Variants in CFAP97 observed in about 807,000 individuals in gnomAD.
The protein encoded by CFAP97 is cilia- and flagella-associated protein 97.
CFAP97 carries 36 observed loss-of-function variants against 43.1 expected under a neutral mutation model. The ratio of observed to expected loss-of-function variants is 0.84; its 90% CI spans 0.64 to 1.10. The LOEUF is 1.10. Ranked by LOEUF, CFAP97 falls within the 50% of genes least tolerant of loss-of-function variation. The pLI, the probability that CFAP97 is intolerant of heterozygous loss-of-function variation, is 0.00. For synonymous variants in CFAP97, 228 were observed against 225.7 expected (o/e 1.01, Z -0.09); for missense variants, 657 against 620.3 (o/e 1.06, Z -0.63).
At chr4:185,164,365 G>C (rs1734990591) in intron 3 of CFAP97, among the ~76,000 whole-genome samples, 186 bp from the exon 4 acceptor site, 1 of 152,002 alleles carries the variant, frequency 6.6e-6, no homozygotes, top group East Asian at 1.9e-4. Context: ...AGCCTCTCAA[G>C]TAGCTGGTAT....
chr4:185,187,920 C>T lies in CFAP97; in HGVS notation c.1054+2223G>A, dbSNP rs142699993. On this transcript the variant is annotated intron_variant, in intron 2 of 4. Transcript: ENST00000458385. Reference sequence around the variant, plus strand: ...TATTACTATTATCATTTTTTTGAGACGGAGTCTCGCTCTGTCGCCAGGCTG... The same window carrying T: ...TATTACTATTATCATTTTTTTGAGATGGAGTCTCGCTCTGTCGCCAGGCTG... Among the ~76,000 whole-genome samples, 796 of 152,124 alleles carry T rather than the reference C, an allele frequency of 5.2e-3. 5 individuals carry two copies. Among genetic ancestry groups the T allele is most frequent in the African/African-American group, 0.018 (732 of 41,504 alleles).
intron 3 of CFAP97, among the ~76,000 whole-genome samples, chr4:185,168,785 C>G (rs1242487044): frequency 6.6e-6 from 1 of 151,940 alleles, no homozygotes; most frequent in Non-Finnish European, 1.5e-5. Flanking sequence ...TAGTGGGCAA[C>G]TGTAATCCCA....
rs1211960527 is a variant in CFAP97, at chr4:185,160,468, G to A, written c.*2330C>T. The A allele has an allele frequency of 6.6e-6, 1 of 151,998 alleles. No individual in the cohort carries two copies. The highest frequency in any genetic ancestry group is 2.4e-5 in the African/African-American group (1 of 41,386). 9.4% of individuals were successfully genotyped at this position (151,998 alleles called of 1,614,324 possible). On this transcript the variant is annotated 3_prime_UTR_variant, in exon 5 of 5. Transcript: ENST00000458385. ...ACTTAAGTAATTCCTTCTTAAGAAT[G>A]TCCCTTAAACTATAACAACTTCATA... is the stretch of plus-strand genomic sequence containing the variant.
upstream of CFAP97, among the ~76,000 whole-genome samples, chr4:185,204,662 G>T (rs1737108141): frequency 6.6e-6 from 1 of 152,166 alleles, no homozygotes; most frequent in Non-Finnish European, 1.5e-5. Context: ...GATCAAAATG[G>T]GAAGATTAAC....
intron 1 of CFAP97, among the ~76,000 whole-genome samples, chr4:185,193,091 C>T (rs113420029): frequency 3.3e-5 from 5 of 152,146 alleles, no homozygotes; most frequent in African/African-American, 9.6e-5. Flanking sequence ...AGGACTCCTT[C>T]GCAGGCAGGG....
At chr4:185,178,211 G>A (rs1297705904) in intron 2 of CFAP97, among the ~76,000 whole-genome samples, 1 of 144,382 alleles carries the variant, frequency 6.9e-6, no homozygotes, top group Non-Finnish European at 1.5e-5. Flanking sequence ...GAAATTAATA[G>A]TAAGCTATTT....
intron 3 of CFAP97, among the ~76,000 whole-genome samples, chr4:185,165,378 T>A (rs1735028627): frequency 6.6e-6 from 1 of 151,418 alleles, no homozygotes; most frequent in South Asian, 2.1e-4. Context: ...TAATTTTTTT[T>A]ACAATTCAGT....
In CFAP97 at chr4:185,175,900, C is replaced by T. The variant is rs1579238651; in HGVS notation, c.1206G>A (p.Ala402=). The T allele has an allele frequency of 3.7e-6, 6 of 1,613,866 alleles. No individual in the cohort carries two copies. Among genetic ancestry groups the T allele is most frequent in the Non-Finnish European group, 4.2e-6 (5 of 1,179,864 alleles). ...QRLLKELSRQ[A]EKPGSKSTIP... Reference sequence around the variant, plus strand: ...TTGTACTTTTGCTTCCCGGCTTTTCCGCCTGTCTTGACAGTTCTTTCAAAA... The same window carrying T: ...TTGTACTTTTGCTTCCCGGCTTTTCTGCCTGTCTTGACAGTTCTTTCAAAA... The change falls in exon 3 of 5, where the codon GCG becomes GCA. Residue 402 remains alanine (A), a synonymous_variant. Coordinates refer to ENST00000458385, the MANE Select transcript of CFAP97 (RefSeq NM_020827.3).
chr4:185,181,531 G>T (rs1735790373), intron 2 of CFAP97, among the ~76,000 whole-genome samples: 1 of 151,792 alleles, frequency 6.6e-6, no homozygotes, highest in South Asian at 2.1e-4. Context: ...CTCCATGTTG[G>T]TCAGGCTGGT....
At chr4:185,208,994 C>A (rs966694830), upstream of CFAP97, among the ~76,000 whole-genome samples, 24 of 152,236 alleles carry the variant, frequency 1.6e-4, no homozygotes, top group African/African-American at 4.8e-4. Flanking sequence ...TGGTAAAAAA[C>A]AAAAAACAAA....
At chr4:185,184,377 C>T (rs1735923862) in intron 2 of CFAP97, among the ~76,000 whole-genome samples, 1 of 152,208 alleles carries the variant, frequency 6.6e-6, no homozygotes, top group South Asian at 2.1e-4. Context: ...TTTCCCCTAC[C>T]AACGACTGGT....
Position 185,192,733 on chromosome 4 carries a change from C to CTTTTTTTTTTT in CFAP97, c.-16-1532_-16-1522dup, listed in dbSNP as rs760026667. On this transcript the variant is annotated intron_variant, in intron 1 of 4. Transcript: ENST00000458385. ...CCTTCTTAAGATCAGAATTGACCTT[C>CTTTTTTTTTTT]TTTTTTTTTTTTTTTTTTTTTTTTT... 3.9e-4 allele frequency among the ~76,000 whole-genome samples: 32 copies of CTTTTTTTTTTT among 81,414 alleles called. 1 individual carries two copies. Among genetic ancestry groups the CTTTTTTTTTTT allele is most frequent in the African/African-American group, 1.7e-3 (32 of 18,348 alleles). The allele number at this position is 81,414 out of a possible 152,430, so 53.4% of individuals were successfully genotyped here.
At chr4:185,168,861 C>T (rs559526241) in intron 3 of CFAP97, among the ~76,000 whole-genome samples, 3 of 149,912 alleles carry the variant, frequency 2.0e-5, no homozygotes, top group East Asian at 2.0e-4. Context: ...TGGAGCAAGC[C>T]GAGATCGTGC....
At chr4:185,181,241 CAG>C (rs1735768558) in intron 2 of CFAP97, among the ~76,000 whole-genome samples, 1 of 142,532 alleles carries the variant, frequency 7.0e-6, no homozygotes, top group African/African-American at 2.6e-5. Flanking sequence ...GCATGGGCAA[CAG>C]AGCGAGACTC....
At chr4:185,179,686 C>A (rs550468497) in intron 2 of CFAP97, among the ~76,000 whole-genome samples, 1 of 152,154 alleles carries the variant, frequency 6.6e-6, no homozygotes, top group Non-Finnish European at 1.5e-5. Context: ...GTAGTCCCGG[C>A]CACTGAGTCA....
intron 2 of CFAP97, among the ~76,000 whole-genome samples, chr4:185,179,252 G>T (rs1279260782): frequency 6.6e-6 from 1 of 152,024 alleles, no homozygotes; most frequent in Admixed American, 6.6e-5. Context: ...CTTGCATATG[G>T]GAAGAATGTT....
chr4:185,178,471 C>T (rs1735649346), intron 2 of CFAP97, among the ~76,000 whole-genome samples: 1 of 151,968 alleles, frequency 6.6e-6, no homozygotes, highest in Admixed American at 6.6e-5. Flanking sequence ...TCTTGAACCC[C>T]TGACCTCAGG....
intron 3 of CFAP97, chr4:185,170,457 G>T (rs1032392505): frequency 2.6e-6 from 1 of 378,752 alleles, no homozygotes; most frequent in Admixed American, 4.6e-5. Context: ...TTGCCCAGGC[G>T]AGTATCTTGC....
rs76868819 is a variant in CFAP97 at position 185,162,792 on chromosome 4, A to C, written c.*6T>G. ...GTGTGAACAATGTTTAAAGTAAAAA[A>C]GTGTTTTATAACCAAGCTGTACGGA... is the stretch of plus-strand genomic sequence containing the variant. On this transcript the variant is annotated 3_prime_UTR_variant, in exon 5 of 5. Coordinates refer to ENST00000458385, the MANE Select transcript of CFAP97 (RefSeq NM_020827.3). 1.2e-3 allele frequency: 1,923 copies of C among 1,612,010 alleles called. 13 individuals carry two copies. In the African/African-American group the frequency reaches 0.018, roughly 15 times the overall value.
Sources: gnomAD v4.1 joint callset for allele counts (sites outside exome capture counted in the v4.1 genomes callset) on GRCh38, gnomAD v4.1.1 for gene constraint, MANE v1.5 for transcripts, NCBI Gene and HGNC (gene_info 2026-07-23, HGNC 2026-07-21) for gene names.